NOSTRIN: variants seen among roughly 807,000 people sequenced by gnomAD.
The protein encoded by NOSTRIN is BM247 homolog.
A neutral mutation model predicts 59.0 loss-of-function variants in NOSTRIN; 63 were observed. That is an observed-to-expected ratio of 1.07 (90% confidence interval 0.87 to 1.32). NOSTRIN has a LOEUF of 1.32. NOSTRIN is among the 40% of genes most tolerant of loss of function. The pLI is 0.00. For missense variants in NOSTRIN, 512 were observed against 473.1 expected (o/e 1.08, Z -0.76); for synonymous variants, 200 against 165.4 (o/e 1.21, Z -1.61).
intron 1 of NOSTRIN, among the ~76,000 whole-genome samples, chr2:168,806,639 T>A (rs1685865105): frequency 6.6e-6 from 1 of 152,140 alleles, no homozygotes; most frequent in Non-Finnish European, 1.5e-5. Flanking sequence ...CTGAAATCCC[T>A]TTATCAGGGG....
intron 2 of NOSTRIN, among the ~76,000 whole-genome samples, chr2:168,822,637 C>T (rs1162790214): frequency 6.6e-6 from 1 of 152,216 alleles, no homozygotes; most frequent in African/African-American, 2.4e-5. Context: ...TAATTCCCTA[C>T]ATTTTTATTC....
intron 2 of NOSTRIN, among the ~76,000 whole-genome samples, chr2:168,817,686 C>T (rs902100001): frequency 6.6e-6 from 1 of 152,156 alleles, no homozygotes; most frequent in Admixed American, 6.5e-5. Flanking sequence ...TACGTTTTCC[C>T]TGGGCCAGAG....
chr2:168,830,638 T>C (rs1052152600), intron 5 of NOSTRIN, among the ~76,000 whole-genome samples: 3 of 152,198 alleles, frequency 2.0e-5, no homozygotes, highest in African/African-American at 7.2e-5. Flanking sequence ...GTTGTCTAGA[T>C]CATTTTCATC....
intron 1 of NOSTRIN, among the ~76,000 whole-genome samples, chr2:168,805,680 G>A (rs1335245409): frequency 6.6e-6 from 1 of 152,064 alleles, no homozygotes. Flanking sequence ...GCCCCTCCCC[G>A]CATGTCATCG....
upstream of NOSTRIN, among the ~76,000 whole-genome samples, chr2:168,795,446 A>C (rs1283271105): frequency 6.6e-6 from 1 of 152,264 alleles, no homozygotes; most frequent in Non-Finnish European, 1.5e-5. Flanking sequence ...TCACAGCTAT[A>C]GGATGACTTG....
At chr2:168,793,981 A>G (rs962421178), upstream of NOSTRIN, among the ~76,000 whole-genome samples, 1 of 152,186 alleles carries the variant, frequency 6.6e-6, no homozygotes, top group African/African-American at 2.4e-5. Context: ...TGTAATTCCC[A>G]TTACATTTCT....
chr2:168,815,519 C>A (rs1447077995), intron 2 of NOSTRIN, among the ~76,000 whole-genome samples: 1 of 152,068 alleles, frequency 6.6e-6, no homozygotes, highest in African/African-American at 2.4e-5. Flanking sequence ...TTTCAAATGC[C>A]AAGAACTGCT....
chr2:168,857,886 C>T (rs940645302), intron 12 of NOSTRIN, among the ~76,000 whole-genome samples: 1 of 152,194 alleles, frequency 6.6e-6, no homozygotes, highest in Non-Finnish European at 1.5e-5. Context: ...TGAGGTATCG[C>T]TGACCTAGTT....
At chr2:168,860,537 G>C (rs1392463604) in intron 13 of NOSTRIN, among the ~76,000 whole-genome samples, 1 of 152,100 alleles carries the variant, frequency 6.6e-6, no homozygotes, top group African/African-American at 2.4e-5. Context: ...CAGGCATGGT[G>C]GTGGGCACCT....
Position 168,802,670 on chromosome 2 carries a change from T to C in NOSTRIN, c.24T>C (p.Cys8=). 2 of 869,698 alleles carry C rather than the reference T, an allele frequency of 2.3e-6. No homozygotes were observed. The highest frequency in any genetic ancestry group is 4.0e-6 in the Non-Finnish European group (2 of 500,774). 53.9% of individuals were successfully genotyped at this position (869,698 alleles called of 1,614,324 possible). Residue 8 remains cysteine, a synonymous_variant, in exon 1 of 16, where the codon TGT becomes TGC. Coordinates refer to ENST00000317647, the MANE Select transcript of NOSTRIN (RefSeq NM_001039724.4). MRDPLTD[C]PYNKVYKNLK... Reference sequence around the variant, plus strand: ...ACATGAGGGACCCACTGACAGATTGTCCGGTGAGTAGCTCAGTGTGGTTTG... The same window carrying C: ...ACATGAGGGACCCACTGACAGATTGCCCGGTGAGTAGCTCAGTGTGGTTTG...
intron 12 of NOSTRIN, among the ~76,000 whole-genome samples, chr2:168,857,387 G>A (rs970291053): frequency 2.6e-5 from 4 of 152,314 alleles, no homozygotes; most frequent in South Asian, 4.1e-4. Context: ...AGGGCAGTCT[G>A]GTGTGTGAGG....
Position 168,859,638 on chromosome 2 carries a change from G to T in NOSTRIN, c.1179+1G>T. On this transcript the variant is annotated splice_donor_variant, in intron 13 of 15. Transcript: ENST00000317647. LOFTEE classifies it high-confidence loss of function. ...TTCCATCTTCAGGTGGAGGGAAAAGGTAACATTTAAGGAGACTGGTTGTAA... is the reference window on the plus strand; with the variant it reads ...TTCCATCTTCAGGTGGAGGGAAAAGTTAACATTTAAGGAGACTGGTTGTAA... 6.2e-7 allele frequency: 1 copy of T among 1,613,946 alleles called. No individual in the cohort carries two copies. The highest frequency in any genetic ancestry group is 8.5e-7 in the Non-Finnish European group (1 of 1,179,968).
intron 1 of NOSTRIN, among the ~76,000 whole-genome samples, chr2:168,807,401 T>C (rs1685912856): frequency 6.6e-6 from 1 of 152,224 alleles, no homozygotes; most frequent in Non-Finnish European, 1.5e-5. Flanking sequence ...TACAGAATGA[T>C]TGATTCTAAA....
At chr2:168,791,280 A>G (rs1685345568) in intron 2 of NOSTRIN, among the ~76,000 whole-genome samples, 1 of 152,130 alleles carries the variant, frequency 6.6e-6, no homozygotes, top group South Asian at 2.1e-4. Context: ...GCTGAGAATG[A>G]TGGTTTCCAG....
At chr2:168,788,587 C>T in intron 2 of NOSTRIN, among the ~76,000 whole-genome samples, 1 of 152,086 alleles carries the variant, frequency 6.6e-6, no homozygotes, top group South Asian at 2.1e-4. Flanking sequence ...TGCAGAGGGG[C>T]AGCCTGGCAT....
intron 15 of NOSTRIN, chr2:168,863,289 C>T (rs1353673268): frequency 2.2e-5 from 11 of 500,398 alleles, no homozygotes; most frequent in Admixed American, 6.4e-5. Context: ...ACTTAGAGAC[C>T]GAGAATAATG....
chr2:168,829,011 CTT>C (rs577509592), intron 5 of NOSTRIN, among the ~76,000 whole-genome samples: 34 of 152,006 alleles, frequency 2.2e-4, no homozygotes, highest in Non-Finnish European at 3.4e-4. Flanking sequence ...CATTTTTATA[CTT>C]TTTTGCATTT....
rs764496139 is a variant in NOSTRIN, at chr2:168,851,272, A to G, written c.730-7A>G. The G allele has an allele frequency of 6.2e-7, 1 of 1,613,822 alleles. No individual in the cohort carries two copies. Among genetic ancestry groups the G allele is most frequent in the Non-Finnish European group, 8.5e-7 (1 of 1,179,968 alleles). On this transcript the variant is annotated splice_polypyrimidine_tract_variant and splice_region_variant and intron_variant, in intron 9 of 15. Transcript: ENST00000317647. ...ACAACCTTATTCTGTTCCCCTTGGC[A>G]TTGCAGTGCCACACGCAGATTCACT...
intron 15 of NOSTRIN, among the ~76,000 whole-genome samples, chr2:168,862,403 A>G (rs780984706): frequency 1.6e-4 from 25 of 152,036 alleles, no homozygotes; most frequent in Admixed American, 1.0e-3. Context: ...TTGAACTTGG[A>G]AACACAGTCA....
Sources: gnomAD v4.1 joint callset for allele counts (sites outside exome capture counted in the v4.1 genomes callset) on GRCh38, gnomAD v4.1.1 for gene constraint, MANE v1.5 for transcripts, NCBI Gene and HGNC (gene_info 2026-07-23, HGNC 2026-07-21) for gene names.